Variants in LRP5 observed in about 807,000 individuals in gnomAD.
LRP5 encodes the protein LDL receptor related protein 5.
In LRP5, 62 loss-of-function variants were observed where a neutral mutation model predicts 154.1. The ratio of observed to expected loss-of-function variants is 0.40; its 90% CI spans 0.33 to 0.50. LRP5 has a LOEUF of 0.50. Among genes scored for constraint, LRP5 ranks in the 20% least tolerant of loss-of-function variants. The pLI is 0.55. For synonymous variants in LRP5, 966 were observed against 1,011.5 expected (o/e 0.96, Z 0.85); for missense variants, 1,915 against 2,336.7 (o/e 0.82, Z 3.72).
chr11:68,313,362 C>T (rs571186400), intron 1 of LRP5, among the ~76,000 whole-genome samples: 21 of 152,110 alleles, frequency 1.4e-4, no homozygotes, highest in African/African-American at 5.1e-4. Context: ...CTGACACCTG[C>T]CAGGTGCCCG....
At chr11:68,409,097 C>CATATATATATATATAT (rs756524976) in intron 9 of LRP5, among the ~76,000 whole-genome samples, 2 of 71,610 alleles carry the variant, frequency 2.8e-5, no homozygotes, top group African/African-American at 1.4e-4. Flanking sequence ...TATATATATA[C>CATATATATATATATAT]ACACACATAC....
intron 17 of LRP5, among the ~76,000 whole-genome samples, chr11:68,430,364 G>A (rs2098671241): frequency 1.3e-5 from 2 of 152,144 alleles, no homozygotes; most frequent in East Asian, 3.9e-4. Context: ...AGTAGAGACG[G>A]GGTTTCACCA....
rs545988124 is a variant in LRP5, at chr11:68,425,296, C to G, written c.3427+4C>G. 1.2e-6 allele frequency: 2 copies of G among 1,603,428 alleles called. No homozygotes were observed. Among genetic ancestry groups the G allele is most frequent in the Non-Finnish European group, 1.7e-6 (2 of 1,178,974 alleles). On this transcript the variant is annotated splice_donor_region_variant and intron_variant, in intron 15 of 22. Transcript: ENST00000294304. ...ATTGAGAGCTGTGACCTGTCAGGTA[C>G]GCGCCCCGGGGCCTGCCCTAACCGC...
chr11:68,386,595 G>A lies in LRP5; in HGVS notation c.1295G>A (p.Trp432Ter). Residue 432 changes from tryptophan to a stop codon, truncating the protein, a stop_gained, in exon 6 of 23, where the codon TGG (tryptophan) becomes TAG (stop). Coordinates refer to ENST00000294304, the MANE Select transcript of LRP5 (RefSeq NM_002335.4). LOFTEE classifies it high-confidence loss of function. This position sits in a 1 kb window ranked among gnomAD's most constrained non-coding sequence, Gnocchi z 7.9. ...GACTGGGTGGCCCGAAACCTCTACT[G>A]GACCGACACGGGCACGGACCGCATC... The part of the protein sequence containing the change: ...AVDWVARNLY[W>*]TDTGTDRIEV... 6.2e-7 allele frequency: 1 copy of A among 1,613,742 alleles called. No homozygotes were observed. Among genetic ancestry groups the A allele is most frequent in the Non-Finnish European group, 8.5e-7 (1 of 1,179,934 alleles).
chr11:68,424,788 C>T (rs942514569), intron 14 of LRP5, among the ~76,000 whole-genome samples: 1 of 152,200 alleles, frequency 6.6e-6, no homozygotes, highest in Non-Finnish European at 1.5e-5. Flanking sequence ...TCTGGCTGCA[C>T]ATGGCGTGGC....
intron 5 of LRP5, among the ~76,000 whole-genome samples, chr11:68,380,770 G>A (rs1219927357): frequency 2.6e-5 from 4 of 152,214 alleles, no homozygotes; most frequent in South Asian, 2.1e-4. Context: ...GATCAGCCCC[G>A]GCGACAGGTT....
chr11:68,301,634 T>A, the LRP5 span, among the ~76,000 whole-genome samples: 6,499 of 146,984 alleles, frequency 0.044, 506 homozygotes, highest in African/African-American at 0.12. Flanking sequence ...TTATTTATTT[T>A]TTTTTTGAGA....
chr11:68,346,678 C>CT (rs2098613238), intron 1 of LRP5, among the ~76,000 whole-genome samples: 1 of 152,182 alleles, frequency 6.6e-6, no homozygotes, highest in Non-Finnish European at 1.5e-5. Flanking sequence ...CTGCAGTTTT[C>CT]ATGAGGAATG....
intron 16 of LRP5, among the ~76,000 whole-genome samples, chr11:68,428,106 C>A (rs1179850790): frequency 6.6e-6 from 1 of 151,774 alleles, no homozygotes; most frequent in African/African-American, 2.4e-5. Flanking sequence ...GATTCTCCTA[C>A]CTCAGCCTTC....
At chr11:68,316,032 A>G (rs1295319264) in intron 1 of LRP5, among the ~76,000 whole-genome samples, 2 of 152,136 alleles carry the variant, frequency 1.3e-5, no homozygotes, top group Non-Finnish European at 2.9e-5. Flanking sequence ...CCTCTCTTCT[A>G]TCAAGTTATA....
chr11:68,394,174 T>C (rs2098647901), intron 7 of LRP5, among the ~76,000 whole-genome samples: 2 of 151,968 alleles, frequency 1.3e-5, no homozygotes, highest in African/African-American at 4.8e-5. Context: ...ATGTCTGTGG[T>C]TTGGTCCTGA....
chr11:68,409,835 A>G, intron 9 of LRP5, 79 bp from the exon 10 acceptor site: 5 of 1,126,038 alleles, frequency 4.4e-6, no homozygotes, highest in Non-Finnish European at 6.6e-6. Context: ...GGGCAAGAAG[A>G]GCGAAACTCC....
At chr11:68,417,278 G>A (rs1234315456) in intron 13 of LRP5, among the ~76,000 whole-genome samples, 1 of 152,000 alleles carries the variant, frequency 6.6e-6, no homozygotes. Flanking sequence ...GTGAGCCCAG[G>A]GAGGTCAGAG....
At chr11:68,306,508 C>T in the LRP5 span, among the ~76,000 whole-genome samples, 1 of 152,200 alleles carries the variant, frequency 6.6e-6, no homozygotes. Flanking sequence ...ATGAGCTCCT[C>T]ATCTCAAGAT....
In LRP5 at chr11:68,408,512, G is replaced by A. The variant is rs896684796; in HGVS notation, c.2092-1402G>A. 2.5e-4 allele frequency among the ~76,000 whole-genome samples: 38 copies of A among 152,020 alleles called. 1 individual carries two copies. Among genetic ancestry groups the A allele is most frequent in the Non-Finnish European group, 1.3e-4 (9 of 68,018 alleles). On this transcript the variant is annotated intron_variant, in intron 9 of 22. Transcript: ENST00000294304. Reference sequence around the variant, plus strand: ...GTAAAAATTGTCCATAACCTCTCCAGCCAGAGACGACCGTTGCTGACACCT... The same window carrying A: ...GTAAAAATTGTCCATAACCTCTCCAACCAGAGACGACCGTTGCTGACACCT...
Position 68,449,077 on chromosome 11 carries a change from C to T in LRP5, c.*7C>T. On this transcript the variant is annotated 3_prime_UTR_variant, in exon 23 of 23. Coordinates refer to ENST00000294304, the MANE Select transcript of LRP5 (RefSeq NM_002335.4). ...CTGCACGGACTCATCCTGACCTCGG[C>T]CGGGCCACTCTGGCTTCTCTGTGCC... is the stretch of plus-strand genomic sequence containing the variant. 1 of 1,532,254 alleles carries T rather than the reference C, an allele frequency of 6.5e-7. No individual in the cohort carries two copies. 94.9% of individuals were successfully genotyped at this position (1,532,254 alleles called of 1,614,324 possible).
chr11:68,372,290 C>T (rs540243841), intron 5 of LRP5, among the ~76,000 whole-genome samples: 2 of 136,494 alleles, frequency 1.5e-5, no homozygotes, highest in South Asian at 4.9e-4. Context: ...TCAGGCAGAC[C>T]CGGGACTGTG....
At chr11:68,300,255 C>T in the LRP5 span, among the ~76,000 whole-genome samples, 19 of 149,004 alleles carry the variant, frequency 1.3e-4, 1 homozygote, top group South Asian at 4.2e-4. Flanking sequence ...TGGAGCTGGC[C>T]GAGGATGAGT....
chr11:68,341,539 G>T (rs1367356824), intron 1 of LRP5, among the ~76,000 whole-genome samples: 3 of 152,114 alleles, frequency 2.0e-5, no homozygotes, highest in Non-Finnish European at 2.9e-5. Context: ...GGTATCTGGG[G>T]GCTGTGTAGC....
Sources: allele counts gnomAD v4.1 joint callset (sites outside exome capture counted in the v4.1 genomes callset), GRCh38; gene constraint gnomAD v4.1.1; non-coding constraint Gnocchi (gnomAD v3.1); transcripts MANE v1.5; gene names NCBI Gene and HGNC (gene_info 2026-07-23, HGNC 2026-07-21).